Variants in LRRK2 observed in about 807,000 individuals in gnomAD.
LRRK2 encodes the protein leucine rich repeat kinase 2, also known as leucine-rich repeat serine/threonine-protein kinase 2.
In LRRK2, 203 loss-of-function variants were observed where a neutral mutation model predicts 302.6. The observed-to-expected ratio is 0.67, with a 90% CI of 0.60 to 0.75. The LOEUF (loss-of-function observed/expected upper bound fraction) is 0.75. Among genes scored for constraint, LRRK2 ranks in the 30% least tolerant of loss-of-function variants. The probability of loss-of-function intolerance (pLI) is 0.00; values close to 1 mark genes in which losing one functional copy is unlikely to be tolerated. For missense variants in LRRK2, 2,830 were observed against 2,951.0 expected (o/e 0.96, Z 0.95); for synonymous variants, 1,066 against 1,031.9 (o/e 1.03, Z -0.63).
In LRRK2 at chr12:40,322,086, A is replaced by G. The variant is rs777932024; in HGVS notation, c.5222A>G (p.Asn1741Ser). The G allele has an allele frequency of 1.2e-6, 2 of 1,613,516 alleles. No individual in the cohort carries two copies. The highest frequency in any genetic ancestry group is 1.7e-4 in the Middle Eastern group (1 of 6,060). The part of the protein sequence containing the change: ...RMYWRQGIYL[N>S]WSPEAYCLVG... Reference sequence around the variant, plus strand: ...TATTGGCGACAAGGCATTTACTTAAATTGGTCTCCTGAAGCTTATTGTCTG... The same window carrying G: ...TATTGGCGACAAGGCATTTACTTAAGTTGGTCTCCTGAAGCTTATTGTCTG... Residue 1741 changes from asparagine (N) to serine (S), a missense_variant, in exon 36 of 51, where the codon AAT (asparagine) becomes AGT (serine). By Grantham distance (46) the Asn-to-Ser change is conservative. Transcript: ENST00000298910.
At chr12:40,261,857 T>A (rs1049803135) in intron 13 of LRRK2, among the ~76,000 whole-genome samples, 1 of 152,190 alleles carries the variant, frequency 6.6e-6, no homozygotes, top group Non-Finnish European at 1.5e-5. Flanking sequence ...GCATATTGCA[T>A]CTAGTGCATA....
intron 18 of LRRK2, among the ~76,000 whole-genome samples, chr12:40,278,591 A>T (rs1056370531): frequency 4.6e-5 from 7 of 152,138 alleles, no homozygotes; most frequent in Non-Finnish European, 1.0e-4. Flanking sequence ...TGTTTTGATA[A>T]TTTTTTAACC....
chr12:40,308,070 G>A (rs1369761450), intron 28 of LRRK2, among the ~76,000 whole-genome samples: 4 of 151,896 alleles, frequency 2.6e-5, no homozygotes, highest in East Asian at 3.9e-4. Flanking sequence ...GCGAGCCACC[G>A]CACCTGGCGT....
At chr12:40,269,360 C>G (rs763309219) in intron 14 of LRRK2, among the ~76,000 whole-genome samples, 4 of 152,058 alleles carry the variant, frequency 2.6e-5, no homozygotes, top group Non-Finnish European at 5.9e-5. Context: ...AAGCATGTGA[C>G]TAATTTTGGT....
intron 40 of LRRK2, among the ~76,000 whole-genome samples, chr12:40,337,729 A>G (rs1255476866): frequency 6.6e-6 from 1 of 152,202 alleles, no homozygotes; most frequent in Admixed American, 6.5e-5. Context: ...ACAGTTCTCA[A>G]TTATCTGCAA....
intron 1 of LRRK2, 115 bp from the exon 2 acceptor site, chr12:40,225,440 A>G (rs1940819229): frequency 7.9e-7 from 1 of 1,265,118 alleles, no homozygotes. Context: ...AAAGCAGCTG[A>G]GAATTTCAGG....
chr12:40,253,044 A>C lies in LRRK2; in HGVS notation c.1288+28A>C, dbSNP rs755548302. 4.3e-6 allele frequency: 6 copies of C among 1,407,488 alleles called. No homozygotes were observed. In the East Asian group the frequency reaches 1.1e-4, roughly 27 times the overall value. The allele number at this position is 1,407,488 out of a possible 1,614,324, so 87.2% of individuals were successfully genotyped here. ...AAGCAGTGGGCCATGTTTTCAAATA[A>C]AGGGAAACACATTTTTGTGGTATTT... On this transcript the variant is annotated intron_variant, in intron 11 of 50. Coordinates refer to ENST00000298910, the MANE Select transcript of LRRK2 (RefSeq NM_198578.4).
At chr12:40,276,743 A>G (rs530339730) in intron 16 of LRRK2, among the ~76,000 whole-genome samples, 113 of 152,326 alleles carry the variant, frequency 7.4e-4, no homozygotes, top group African/African-American at 2.6e-3. Flanking sequence ...ACATAAATTA[A>G]GGCTACTTTG....
intron 25 of LRRK2, chr12:40,301,069 A>G: frequency 2.2e-6 from 1 of 457,954 alleles, no homozygotes; most frequent in Non-Finnish European, 4.4e-6. Context: ...TTACAGGTGC[A>G]TACAATTAAT....
chr12:40,297,239 G>T (rs1944419419), intron 23 of LRRK2, among the ~76,000 whole-genome samples: 1 of 152,154 alleles, frequency 6.6e-6, no homozygotes. Context: ...AAATAATTTT[G>T]GGATTTAGTC....
intron 25 of LRRK2, among the ~76,000 whole-genome samples, chr12:40,301,974 G>C (rs11175943): frequency 0.37 from 55,653 of 151,884 alleles, 10,462 homozygotes; most frequent in Middle Eastern, 0.49. Context: ...GTCAGGAGAT[G>C]GAGACCATCC....
intron 21 of LRRK2, among the ~76,000 whole-genome samples, chr12:40,294,253 T>C (rs1326572540): frequency 6.6e-6 from 1 of 151,976 alleles, no homozygotes; most frequent in Admixed American, 6.6e-5. Flanking sequence ...TTATTATTAT[T>C]TCAACCTCTT....
At chr12:40,354,755 T>C (rs1592332339) in intron 45 of LRRK2, among the ~76,000 whole-genome samples, 2 of 152,166 alleles carry the variant, frequency 1.3e-5, no homozygotes, top group Non-Finnish European at 2.9e-5. Flanking sequence ...ACTGTGGCTC[T>C]ATCTCTTTAC....
rs71078229 is a variant in LRRK2, at chr12:40,229,955, C to CTTTTTTTTTTTTTTTTTTT, written c.238-2309_238-2291dup. 3.2e-5 allele frequency among the ~76,000 whole-genome samples: 3 copies of CTTTTTTTTTTTTTTTTTTT among 92,926 alleles called. 1 individual carries two copies. The allele number at this position is 92,926 out of a possible 152,430, so 61.0% of individuals were successfully genotyped here. A position where few individuals can be genotyped will look rare whatever the true frequency, so the allele number is the denominator to read the frequency against. ...GAGATGAGTTTGGCATCCTATGTGACTTTTTTTTTTTTTTTTTTTTTTTTT... is the reference window on the plus strand; with the variant it reads ...GAGATGAGTTTGGCATCCTATGTGACTTTTTTTTTTTTTTTTTTTTTTTTTTTTTTTTTTTTTTTTTTTT... On this transcript the variant is annotated intron_variant, in intron 2 of 50. Coordinates refer to ENST00000298910, the MANE Select transcript of LRRK2 (RefSeq NM_198578.4).
At chr12:40,287,759 A>G (rs2136676368) in intron 20 of LRRK2, among the ~76,000 whole-genome samples, 1 of 152,022 alleles carries the variant, frequency 6.6e-6, no homozygotes, top group Non-Finnish European at 1.5e-5. Context: ...TTAATGGTTA[A>G]TATTCCAGGA....
At chr12:40,318,735 A>C (rs926688201) in intron 33 of LRRK2, among the ~76,000 whole-genome samples, 5 of 152,096 alleles carry the variant, frequency 3.3e-5, no homozygotes, top group Non-Finnish European at 5.9e-5. Context: ...GTGCAGTTGG[A>C]GATGAATTGT....
At chr12:40,290,306 TTAAATTTTGTTTTC>T (rs1367806235) in intron 20 of LRRK2, among the ~76,000 whole-genome samples, 1 of 152,068 alleles carries the variant, frequency 6.6e-6, no homozygotes, top group African/African-American at 2.4e-5. Context: ...TTATATAGTA[TTAAATTTTGTTTTC>T]TAAATTTTGT....
intron 2 of LRRK2, among the ~76,000 whole-genome samples, chr12:40,231,596 G>GAAAA (rs1374651649): frequency 8.1e-6 from 1 of 123,904 alleles, no homozygotes; most frequent in Non-Finnish European, 1.8e-5. Flanking sequence ...AAAAAAACAA[G>GAAAA]AAAAAAAAAG....
intron 13 of LRRK2, among the ~76,000 whole-genome samples, chr12:40,260,169 G>A (rs17465877): frequency 0.011 from 1,671 of 152,012 alleles, 8 homozygotes; most frequent in Non-Finnish European, 0.017. Flanking sequence ...TTTATTAAGT[G>A]CTTCTTATGT....
Sources: gnomAD v4.1 joint callset for allele counts (sites outside exome capture counted in the v4.1 genomes callset) on GRCh38, gnomAD v4.1.1 for gene constraint, MANE v1.5 for transcripts, NCBI Gene and HGNC (gene_info 2026-07-23, HGNC 2026-07-21) for gene names.